The following ARFGEF1 variants were observed in gnomAD, a reference collection of about 807,000 sequenced individuals.
The protein encoded by ARFGEF1 is ARF guanine nucleotide exchange factor 1.
A neutral mutation model predicts 231.0 loss-of-function variants in ARFGEF1; 42 were observed. The ratio of observed to expected loss-of-function variants is 0.18; its 90% CI spans 0.14 to 0.24. The LOEUF (loss-of-function observed/expected upper bound fraction) is 0.24, where lower values mean the gene tolerates loss of function less well. Among genes scored for constraint, ARFGEF1 ranks in the 10% least tolerant of loss-of-function variants. The pLI, the probability that ARFGEF1 is intolerant of heterozygous loss-of-function variation, is 1.00. For synonymous variants in ARFGEF1, 710 were observed against 732.3 expected, an observed-to-expected ratio of 0.97 and a Z score of 0.49; for missense variants, 1,345 against 2,192.0, an observed-to-expected ratio of 0.61 and a Z score of 7.72.
chr8:67,306,546 G>C (rs961740328), intron 1 of ARFGEF1, among the ~76,000 whole-genome samples: 3 of 141,426 alleles, frequency 2.1e-5, no homozygotes, highest in African/African-American at 8.1e-5. Flanking sequence ...CTATCAACTT[G>C]TTTAGCTGCT....
chr8:67,343,309 G>C lies in ARFGEF1; in HGVS notation c.-22C>G. On this transcript the variant is annotated 5_prime_UTR_variant, in exon 1 of 39. Coordinates refer to ENST00000262215, the MANE Select transcript of ARFGEF1 (RefSeq NM_006421.5). ...ACATGGACGCAGAGAAGGAGGCGGC[G>C]GCTCGTCCGACCCGCGGCTCCCAGC... 6.2e-7 allele frequency: 1 copy of C among 1,610,958 alleles called. No individual in the cohort carries two copies. The highest frequency in any genetic ancestry group is 8.5e-7 in the Non-Finnish European group (1 of 1,177,856).
intron 5 of ARFGEF1, chr8:67,177,859 G>C (rs1293300954): frequency 2.8e-6 from 2 of 727,186 alleles, no homozygotes; most frequent in Non-Finnish European, 5.0e-6. Flanking sequence ...TATCAGTAAA[G>C]TGGATAGCTT....
At position 67,227,295 on chromosome 8, in the gene ARFGEF1, C is replaced by T. The variant is rs553520474; in HGVS notation, c.3758G>A (p.Arg1253Gln). The change falls in exon 27 of 39, where the codon CGA becomes CAA. Residue 1253 changes from arginine to glutamine, a missense_variant. Arg to Gln is a conservative substitution (Grantham distance 43). Transcript: ENST00000262215. ...IMKRNRSPTI[R>Q]DMVVRCIAQM... is the part of the protein sequence containing the mutation. The stretch of plus-strand genomic sequence containing the variant: ...TGCTATACACCGTACAACCATATCT[C>T]GAATTGTTGGAGACCTAAAAATATT... 4.8e-5 allele frequency: 77 copies of T among 1,611,550 alleles called. 2 individuals are homozygous for T. In the South Asian group the frequency reaches 6.9e-4, roughly 15 times the overall value.
chr8:67,236,365 A>AAATAT (rs1554638966), intron 22 of ARFGEF1, among the ~76,000 whole-genome samples: 4 of 29,068 alleles, frequency 1.4e-4, no homozygotes, highest in Non-Finnish European at 1.8e-4. Context: ...AAAAAAAAAA[A>AAATAT]ATATATATAT....
chr8:67,263,207 A>T (rs574982869), intron 14 of ARFGEF1, among the ~76,000 whole-genome samples: 22 of 152,238 alleles, frequency 1.4e-4, no homozygotes, highest in Admixed American at 1.4e-3. Flanking sequence ...CCTCAGGCTT[A>T]AAGATCCAAT....
chr8:67,177,128 T>C (rs1371808830), intron 5 of ARFGEF1, among the ~76,000 whole-genome samples: 6 of 150,320 alleles, frequency 4.0e-5, no homozygotes, highest in Non-Finnish European at 1.5e-5. Context: ...CACAAACATG[T>C]CTATTAAAAT....
chr8:67,199,892 T>C (rs1043435427), intron 38 of ARFGEF1: 1 of 224,264 alleles, frequency 4.5e-6, no homozygotes, highest in Non-Finnish European at 9.1e-6. Context: ...CAGTCATATA[T>C]GTGTATTTTA....
At chr8:67,199,952 G>A (rs1467593893) in intron 38 of ARFGEF1, 2 of 262,574 alleles carry the variant, frequency 7.6e-6, no homozygotes, top group Non-Finnish European at 1.5e-5. Context: ...ATTCACTAGG[G>A]ACTCTGGGTT....
intron 1 of ARFGEF1, among the ~76,000 whole-genome samples, chr8:67,320,829 G>T (rs1251067797): frequency 6.6e-6 from 1 of 152,002 alleles, no homozygotes; most frequent in Admixed American, 6.6e-5. Context: ...AGGCGTGGTG[G>T]CAGGCGCCTG....
intron 36 of ARFGEF1, among the ~76,000 whole-genome samples, chr8:67,202,118 T>C (rs1007805707): frequency 6.6e-6 from 1 of 152,238 alleles, no homozygotes; most frequent in Non-Finnish European, 1.5e-5. Context: ...ATGGCACAGC[T>C]GTTTCAAATA....
At chr8:67,183,843 ATTTTTTTTTTTTTTT>A (rs918103972) in intron 5 of ARFGEF1, among the ~76,000 whole-genome samples, 3 of 108,214 alleles carry the variant, frequency 2.8e-5, no homozygotes, top group East Asian at 2.4e-4. Context: ...AAAATTGGGA[ATTTTTTTTTTTTTTT>A]TTTTTTTTTT....
Position 67,266,889 on chromosome 8 carries a change from G to A in ARFGEF1, c.1908C>T (p.Ser636=), listed in dbSNP as rs746311729. Residue 636 remains serine, a synonymous_variant, in exon 13 of 39, where the codon TCC becomes TCT. Coordinates refer to ENST00000262215, the MANE Select transcript of ARFGEF1 (RefSeq NM_006421.5). ...WSKDQYVNPN[S]QTTLGQEKPS... ...ATATCACCTTACCAAGAGTTGTCTG[G>A]GAGTTGGGATTCACATACTGATCCT... 3.1e-6 allele frequency: 5 copies of A among 1,612,078 alleles called. No homozygotes were observed. Among genetic ancestry groups the A allele is most frequent in the Admixed American group, 3.3e-5 (2 of 59,802 alleles).
intron 14 of ARFGEF1, among the ~76,000 whole-genome samples, chr8:67,262,504 T>A (rs984943808): frequency 6.6e-5 from 10 of 152,232 alleles, no homozygotes; most frequent in African/African-American, 2.4e-4. Context: ...TTTATAAAAT[T>A]GCAGCAAAGT....
chr8:67,331,093 A>G (rs1206880743), intron 1 of ARFGEF1, among the ~76,000 whole-genome samples: 2 of 152,190 alleles, frequency 1.3e-5, no homozygotes, highest in Non-Finnish European at 2.9e-5. Flanking sequence ...AACGAAGACT[A>G]GTCAATCTTA....
At chr8:67,301,856 T>C (rs1015901510) in intron 2 of ARFGEF1, among the ~76,000 whole-genome samples, 13 of 152,216 alleles carry the variant, frequency 8.5e-5, no homozygotes, top group African/African-American at 2.9e-4. Flanking sequence ...GCCTATCTTA[T>C]GGTATTTCAG....
At chr8:67,184,406 C>G (rs555795605) in intron 5 of ARFGEF1, among the ~76,000 whole-genome samples, 2 of 152,136 alleles carry the variant, frequency 1.3e-5, no homozygotes, top group Admixed American at 1.3e-4. Context: ...TCTAGCCAAG[C>G]TAATAAAAGA....
intron 1 of ARFGEF1, among the ~76,000 whole-genome samples, chr8:67,321,172 T>C (rs766520276): frequency 1.5e-4 from 22 of 146,892 alleles, no homozygotes; most frequent in Non-Finnish European, 2.4e-4. Flanking sequence ...TGGGGGGGGG[T>C]TTGGGGGTGC....
At chr8:67,316,014 G>T (rs369870908) in intron 1 of ARFGEF1, among the ~76,000 whole-genome samples, 12 of 151,770 alleles carry the variant, frequency 7.9e-5, no homozygotes, top group African/African-American at 2.7e-4. Flanking sequence ...TAGAAAAATA[G>T]GAAAAATCAA....
intron 5 of ARFGEF1, among the ~76,000 whole-genome samples, chr8:67,181,584 G>A (rs905040270): frequency 1.3e-5 from 2 of 152,080 alleles, no homozygotes; most frequent in African/African-American, 4.8e-5. Context: ...TGCTGCATAA[G>A]TAAGTCATGG....
Sources: allele counts gnomAD v4.1 joint callset (sites outside exome capture counted in the v4.1 genomes callset), GRCh38; gene constraint gnomAD v4.1.1; transcripts MANE v1.5; gene names NCBI Gene and HGNC (gene_info 2026-07-23, HGNC 2026-07-21).